KCNG3: variants seen among roughly 807,000 people sequenced by gnomAD.
KCNG3 encodes potassium voltage-gated channel modifier subfamily G member 3, also known as voltage-gated potassium channel regulatory subunit KCNG3.
A neutral mutation model predicts 29.0 loss-of-function variants in KCNG3; 15 were observed. The observed-to-expected ratio is 0.52, with a 90% CI of 0.35 to 0.80. KCNG3 has a LOEUF of 0.80. KCNG3 is among the 30% of genes least tolerant of loss of function. KCNG3 has a pLI of 0.01. For synonymous variants in KCNG3, 322 were observed against 248.9 expected, an observed-to-expected ratio of 1.29 and a Z score of -2.76; for missense variants, 512 against 605.7, an observed-to-expected ratio of 0.85 and a Z score of 1.62.
At chr2:42,422,162 C>G in the KCNG3 span, among the ~76,000 whole-genome samples, 1 of 152,126 alleles carries the variant, frequency 6.6e-6, no homozygotes, top group Non-Finnish European at 1.5e-5. Context: ...ATTTGTCCCC[C>G]AAAGTTTATG....
intron 1 of KCNG3, chr2:42,470,140 T>C: frequency 4.6e-6 from 2 of 433,674 alleles, no homozygotes; most frequent in Admixed American, 6.9e-5. Flanking sequence ...AGGATAAGGA[T>C]GCTAAATTCT....
chr2:42,480,333 G>A (rs1357959820), intron 1 of KCNG3, among the ~76,000 whole-genome samples: 1 of 152,110 alleles, frequency 6.6e-6, no homozygotes, highest in African/African-American at 2.4e-5. Flanking sequence ...TCAGCCTTAG[G>A]GAAAGAACGT....
At chr2:42,408,033 C>T in the KCNG3 span, among the ~76,000 whole-genome samples, 4 of 152,372 alleles carry the variant, frequency 2.6e-5, no homozygotes, top group South Asian at 2.1e-4. Context: ...GGGGTGAAGA[C>T]AGCCAGGTGT....
At chr2:42,414,047 T>G in the KCNG3 span, among the ~76,000 whole-genome samples, 2 of 152,250 alleles carry the variant, frequency 1.3e-5, no homozygotes, top group Admixed American at 1.3e-4. Flanking sequence ...TACTTGTTTT[T>G]GGCCTAGAAT....
downstream of KCNG3, among the ~76,000 whole-genome samples, chr2:42,437,423 T>C (rs1457109840): frequency 1.3e-5 from 2 of 152,192 alleles, no homozygotes; most frequent in African/African-American, 4.8e-5. Flanking sequence ...ATAAAAAATA[T>C]AGGTAAGAGA....
chr2:42,416,054 G>T, the KCNG3 span, among the ~76,000 whole-genome samples: 1 of 151,980 alleles, frequency 6.6e-6, no homozygotes, highest in Non-Finnish European at 1.5e-5. Context: ...AATTAGCTGG[G>T]TGTGGTGGCG....
rs570485174 is a variant in KCNG3, at chr2:42,493,976, G to A, written c.-475C>T. 462 of 153,430 alleles carry A rather than the reference G, an allele frequency of 3.0e-3. 1 individual carries two copies. Among genetic ancestry groups the A allele is most frequent in the Middle Eastern group, 0.01 (3 of 298 alleles). 9.5% of individuals were successfully genotyped at this position (153,430 alleles called of 1,614,324 possible). ...CCCCGCCGCCGTCCAGAGGCGAGAG[G>A]CAAAGTGAGCGGGTTCGGAGGCGGC... is the stretch of plus-strand genomic sequence containing the variant. On this transcript the variant is annotated 5_prime_UTR_variant, in exon 1 of 2. Transcript: ENST00000306078.
the KCNG3 span, among the ~76,000 whole-genome samples, chr2:42,397,993 G>A: frequency 3.3e-5 from 5 of 152,218 alleles, no homozygotes; most frequent in Non-Finnish European, 5.9e-5. Context: ...GGAGGCCGAG[G>A]CAGGCAGAGC....
chr2:42,468,248 T>C lies in KCNG3; in HGVS notation c.666-23669A>G, dbSNP rs370751622. On this transcript the variant is annotated intron_variant, in intron 1 of 1. Coordinates refer to ENST00000306078, the MANE Select transcript of KCNG3 (RefSeq NM_133329.6). ...AGACTGTCTTTATTTCCAGACAGTATCACTGTCTACATTACAACAAAAATA... is the reference window on the plus strand; with the variant it reads ...AGACTGTCTTTATTTCCAGACAGTACCACTGTCTACATTACAACAAAAATA... Among the ~76,000 whole-genome samples, 59 of 152,326 alleles carry C rather than the reference T, an allele frequency of 3.9e-4. No homozygotes were observed. In the East Asian group the frequency reaches 0.011, roughly 28 times the overall value.
the KCNG3 span, chr2:42,424,955 CT>C: frequency 6.6e-6 from 1 of 152,366 alleles, no homozygotes; most frequent in East Asian, 1.9e-4. Context: ...GCATCCACCC[CT>C]GAAAGGGTGA....
the KCNG3 span, among the ~76,000 whole-genome samples, chr2:42,398,265 A>T: frequency 1.4e-5 from 2 of 138,534 alleles, no homozygotes; most frequent in African/African-American, 2.6e-5. Context: ...ATAAATAAAT[A>T]AAATAAAATA....
chr2:42,406,542 G>A, the KCNG3 span, among the ~76,000 whole-genome samples: 6 of 150,716 alleles, frequency 4.0e-5, no homozygotes, highest in Non-Finnish European at 7.4e-5. Flanking sequence ...AAGAGGTGAG[G>A]CAGGCTGGGC....
At chr2:42,402,731 G>C in the KCNG3 span, among the ~76,000 whole-genome samples, 5 of 152,072 alleles carry the variant, frequency 3.3e-5, no homozygotes, top group Admixed American at 2.6e-4. Context: ...GCTCTGTTTT[G>C]GGGCTCTTTG....
chr2:42,468,984 C>G (rs535914864), intron 1 of KCNG3, among the ~76,000 whole-genome samples: 1 of 141,904 alleles, frequency 7.0e-6, no homozygotes, highest in South Asian at 2.3e-4. Flanking sequence ...AAAAAAAATG[C>G]CAACTCCCTA....
In KCNG3 at chr2:42,444,689, A is replaced by G. The variant is rs986814849; in HGVS notation, c.666-110T>C. On this transcript the variant is annotated intron_variant, in intron 1 of 1. Transcript: ENST00000306078. This position sits in a 1 kb window ranked among gnomAD's most constrained non-coding sequence, Gnocchi z 5.8. ...GACATACTAATTCAGTTACTTTTCC[A>G]GAAAACATAAAGAACAGACAACATT... 5 of 998,600 alleles carry G rather than the reference A, an allele frequency of 5.0e-6. No individual in the cohort carries two copies. In the Admixed American group the frequency reaches 1.3e-4, roughly 25 times the overall value. The allele number at this position is 998,600 out of a possible 1,614,324, so 61.9% of individuals were successfully genotyped here.
At chr2:42,439,830 A>T (rs892601112), downstream of KCNG3, among the ~76,000 whole-genome samples, 9 of 150,768 alleles carry the variant, frequency 6.0e-5, no homozygotes, top group Admixed American at 6.6e-5. Flanking sequence ...TTCAGTAGAG[A>T]TGGGTTTTCA....
the KCNG3 span, among the ~76,000 whole-genome samples, chr2:42,412,384 G>C: frequency 6.6e-6 from 1 of 152,086 alleles, no homozygotes; most frequent in Non-Finnish European, 1.5e-5. Flanking sequence ...AGTGACTTTG[G>C]TTTCCTAAAC....
At chr2:42,473,504 C>A (rs1673344128) in intron 1 of KCNG3, among the ~76,000 whole-genome samples, 1 of 152,040 alleles carries the variant, frequency 6.6e-6, no homozygotes, top group Admixed American at 6.6e-5. Flanking sequence ...CACACACCAC[C>A]ATGCCTGACT....
chr2:42,462,026 G>T (rs1325925214), intron 1 of KCNG3, among the ~76,000 whole-genome samples: 1 of 152,148 alleles, frequency 6.6e-6, no homozygotes, highest in Non-Finnish European at 1.5e-5. Context: ...GTTAATTACA[G>T]CACTTGAAGG....
Sources: allele counts gnomAD v4.1 joint callset (sites outside exome capture counted in the v4.1 genomes callset), GRCh38; gene constraint gnomAD v4.1.1; non-coding constraint Gnocchi (gnomAD v3.1); transcripts MANE v1.5; gene names NCBI Gene and HGNC (gene_info 2026-07-23, HGNC 2026-07-21).